Variants in XKR3 observed in about 807,000 individuals in gnomAD.
XKR3 encodes XK-related protein 3.
XKR3 carries 27 observed loss-of-function variants against 40.3 expected under a neutral mutation model. That is an observed-to-expected ratio of 0.67 (90% CI 0.49 to 0.92). The LOEUF (loss-of-function observed/expected upper bound fraction) is 0.92, where lower values mean the gene tolerates loss of function less well. Ranked by LOEUF, XKR3 falls within the 40% of genes least tolerant of loss-of-function variation. The probability of loss-of-function intolerance (pLI) is 0.00; values close to 1 mark genes in which losing one functional copy is unlikely to be tolerated. For synonymous variants in XKR3, 193 were observed against 195.4 expected, an observed-to-expected ratio of 0.99 and a Z score of 0.10; for missense variants, 472 against 537.6, an observed-to-expected ratio of 0.88 and a Z score of 1.21.
chr22:16,798,400 G>A (rs2060151908), intron 3 of XKR3, among the ~76,000 whole-genome samples: 1 of 152,148 alleles, frequency 6.6e-6, no homozygotes, highest in African/African-American at 2.4e-5. Flanking sequence ...AGCCATTGTG[G>A]AAAGCACTCT....
intron 3 of XKR3, among the ~76,000 whole-genome samples, chr22:16,794,079 A>G (rs1263084777): frequency 1.3e-5 from 2 of 152,230 alleles, no homozygotes; most frequent in Non-Finnish European, 2.9e-5. Flanking sequence ...TTGACTCACC[A>G]GCATTCCAGA....
chr22:16,815,534 C>T (rs1312044044), intron 1 of XKR3, among the ~76,000 whole-genome samples: 8 of 151,896 alleles, frequency 5.3e-5, no homozygotes, highest in Non-Finnish European at 1.2e-4. Context: ...ATGAAATTAT[C>T]TATCTAAAAC....
intron 3 of XKR3, among the ~76,000 whole-genome samples, chr22:16,790,983 A>C (rs2146144208): frequency 6.6e-6 from 1 of 152,286 alleles, no homozygotes; most frequent in Admixed American, 6.5e-5. Context: ...CTCCATGAAC[A>C]GTTTGGAGCT....
At position 16,784,188 on chromosome 22, in the gene XKR3, T is replaced by C. The variant is rs2060079163; in HGVS notation, c.811A>G (p.Ile271Val). ...KLKSLPVLLIIYFVSLLAPWL... is the reference protein window; with the variant it reads ...KLKSLPVLLIVYFVSLLAPWL... The stretch of plus-strand genomic sequence containing the variant: ...GGTGCCAACAATGATACAAAATATA[T>C]GATTAACAAAACGGGTAGGCTCTTC... Residue 271 changes from isoleucine (I) to valine (V), a missense_variant, in exon 4 of 4, where the codon ATA becomes GTA. Physicochemically the swap from Ile to Val is conservative, Grantham distance 29. Coordinates refer to ENST00000684488, the MANE Select transcript of XKR3 (RefSeq NM_001386955.1). 1.2e-6 allele frequency: 2 copies of C among 1,614,234 alleles called. No homozygotes were observed. Among genetic ancestry groups the C allele is most frequent in the Non-Finnish European group, 1.7e-6 (2 of 1,180,048 alleles).
intron 2 of XKR3, among the ~76,000 whole-genome samples, chr22:16,804,859 G>A (rs574981382): frequency 6.6e-6 from 1 of 152,236 alleles, no homozygotes; most frequent in East Asian, 1.9e-4. Context: ...AAACCACGCT[G>A]TACCCTGACC....
intron 1 of XKR3, among the ~76,000 whole-genome samples, chr22:16,815,522 A>G (rs561300641): frequency 2.0e-5 from 3 of 152,052 alleles, no homozygotes; most frequent in Non-Finnish European, 2.9e-5. Context: ...AATCAGATCT[A>G]TATGAAATTA....
intron 2 of XKR3, among the ~76,000 whole-genome samples, chr22:16,804,115 T>A (rs2060180140): frequency 6.6e-6 from 1 of 151,598 alleles, no homozygotes; most frequent in Non-Finnish European, 1.5e-5. Context: ...ATCCAACACA[T>A]CTCAAAATAA....
chr22:16,799,975 G>A lies in XKR3; in HGVS notation c.385C>T (p.Gln129Ter). 1 of 1,614,038 alleles carries A rather than the reference G, an allele frequency of 6.2e-7. No individual in the cohort carries two copies. Among genetic ancestry groups the A allele is most frequent in the Non-Finnish European group, 8.5e-7 (1 of 1,179,998 alleles). ...CTAACTTGAGTCTCTTCCTTCTCCT[G>A]TTTAAGATTTTTCAACCATTTGTGG... ...NYHKWLKNLK[Q>*]EKEETQVSIT... The change falls in exon 3 of 4, where the codon CAG becomes TAG. Residue 129 changes from glutamine to a stop codon, truncating the protein, a stop_gained. Coordinates refer to ENST00000684488, the MANE Select transcript of XKR3 (RefSeq NM_001386955.1). LOFTEE classifies it high-confidence loss of function.
intron 3 of XKR3, among the ~76,000 whole-genome samples, chr22:16,789,081 G>C (rs1323439034): frequency 2.0e-5 from 3 of 152,110 alleles, no homozygotes; most frequent in Admixed American, 2.0e-4. Context: ...GGAGTTCAAA[G>C]TTGAAAGCTT....
intron 1 of XKR3, among the ~76,000 whole-genome samples, chr22:16,811,370 C>T (rs1336079603): frequency 6.6e-6 from 1 of 152,132 alleles, no homozygotes; most frequent in African/African-American, 2.4e-5. Flanking sequence ...AGGTGGTCCA[C>T]CCACCTTGGC....
chr22:16,818,437 T>A (rs1368016131), intron 1 of XKR3, among the ~76,000 whole-genome samples: 1 of 152,070 alleles, frequency 6.6e-6, no homozygotes, highest in Non-Finnish European at 1.5e-5. Flanking sequence ...TATAGAAGTT[T>A]CCAATTCTGA....
chr22:16,807,726 T>C lies in XKR3; in HGVS notation c.335+13A>G, dbSNP rs1466464638. The C allele has an allele frequency of 6.4e-7, 1 of 1,551,310 alleles. No homozygotes were observed. Among genetic ancestry groups the C allele is most frequent in the South Asian group, 1.2e-5 (1 of 80,544 alleles). On this transcript the variant is annotated intron_variant, in intron 2 of 3. Transcript: ENST00000684488. The stretch of plus-strand genomic sequence containing the variant: ...GTTGGAGGCAGTGAATGAGAAATAT[T>C]TGTGTCACTTACCTCACAATAGGTC...
chr22:16,785,918 A>T (rs1359204514), intron 3 of XKR3, among the ~76,000 whole-genome samples: 8 of 152,228 alleles, frequency 5.3e-5, no homozygotes, highest in African/African-American at 1.9e-4. Context: ...GCCAGAAAAC[A>T]AAAAAAGGCC....
intron 3 of XKR3, among the ~76,000 whole-genome samples, chr22:16,788,109 G>A (rs540307501): frequency 1.8e-4 from 28 of 152,190 alleles, no homozygotes; most frequent in African/African-American, 5.8e-4. Flanking sequence ...TGATGAATTC[G>A]AAGAGATCAA....
chr22:16,784,532 C>T, intron 3 of XKR3, 123 bp from the exon 4 acceptor site: 1 of 951,802 alleles, frequency 1.1e-6, no homozygotes, highest in Non-Finnish European at 1.5e-6. Context: ...AAATCATTTA[C>T]TTATAAAAAG....
chr22:16,811,202 C>T (rs2060211095), intron 1 of XKR3, among the ~76,000 whole-genome samples: 1 of 150,892 alleles, frequency 6.6e-6, no homozygotes, highest in Non-Finnish European at 1.5e-5. Flanking sequence ...GCTCACCACA[C>T]AACCTCTGCC....
At position 16,784,367 on chromosome 22, in the gene XKR3, G is replaced by A; in HGVS notation, c.632C>T (p.Ala211Val). Residue 211 changes from alanine to valine, a missense_variant, in exon 4 of 4, where the codon GCC (alanine) becomes GTC (valine). By Grantham distance (64) the Ala-to-Val change is moderately conservative. Transcript: ENST00000684488. ...GATGGCCAGTATATTGCAGCGAATG[G>A]CCCCATAAGTAACTGATAACAGGGA... is the stretch of plus-strand genomic sequence containing the variant. The part of the protein sequence containing the change: ...TFSLLSVTYG[A>V]IRCNILAIQI... The A allele has an allele frequency of 2.5e-6, 4 of 1,609,082 alleles. No individual in the cohort carries two copies. The highest frequency in any genetic ancestry group is 2.2e-5 in the East Asian group (1 of 44,842).
chr22:16,791,778 G>GGAGAGAGAGAGA (rs763159994), intron 3 of XKR3, among the ~76,000 whole-genome samples: 1 of 123,182 alleles, frequency 8.1e-6, no homozygotes. Context: ...GGAGAGAGAG[G>GGAGAGAGAGAGA]GAGAGAGAGA....
chr22:16,790,310 G>A (rs1601839868), intron 3 of XKR3, among the ~76,000 whole-genome samples: 1 of 132,784 alleles, frequency 7.5e-6, no homozygotes, highest in Admixed American at 7.8e-5. Flanking sequence ...ACAGACAAAT[G>A]AGGTTTCATC....
Sources: gnomAD v4.1 joint callset for allele counts (sites outside exome capture counted in the v4.1 genomes callset) on GRCh38, gnomAD v4.1.1 for gene constraint, MANE v1.5 for transcripts, NCBI Gene and HGNC (gene_info 2026-07-23, HGNC 2026-07-21) for gene names.